DNAH2: variants seen among roughly 807,000 people sequenced by gnomAD.
The protein encoded by DNAH2 is dynein axonemal heavy chain 2, also known as axonemal beta dynein heavy chain 2.
DNAH2 carries 323 observed loss-of-function variants against 523.5 expected under a neutral mutation model. That is an observed-to-expected ratio of 0.62 (90% CI 0.56 to 0.68). The LOEUF is 0.68. Ranked by LOEUF, DNAH2 falls within the 30% of genes least tolerant of loss-of-function variation. The pLI is 0.00. For missense variants in DNAH2, 4,907 were observed against 5,701.5 expected, an observed-to-expected ratio of 0.86 and a Z score of 4.49; for synonymous variants, 2,093 against 2,177.4, an observed-to-expected ratio of 0.96 and a Z score of 1.08.
intron 4 of DNAH2, among the ~76,000 whole-genome samples, chr17:7,728,950 A>G (rs984301078): frequency 6.6e-6 from 1 of 151,996 alleles, no homozygotes; most frequent in African/African-American, 2.4e-5. Flanking sequence ...ACTTCACTGC[A>G]CTCCAGCCTG....
intron 21 of DNAH2, 88 bp downstream of exon 21, chr17:7,765,653 G>C: frequency 6.8e-7 from 1 of 1,475,500 alleles, no homozygotes. Context: ...GCGAGAACTG[G>C]GAGGGGAGGA....
chr17:7,786,170 G>A lies in DNAH2; in HGVS notation c.6176G>A (p.Ser2059Asn). 1 of 1,613,986 alleles carries A rather than the reference G, an allele frequency of 6.2e-7. No homozygotes were observed. Among genetic ancestry groups the A allele is most frequent in the Non-Finnish European group, 8.5e-7 (1 of 1,180,010 alleles). ...EQEIRDMGLQ[S>N]TPFTLTKVFQ... is the part of the protein sequence containing the mutation. ...GAGATTCGAGACATGGGCCTGCAAA[G>A]CACGCCGTTCACCCTCACCAAGGTT... The change falls in exon 40 of 86, where the codon AGC becomes AAC. Residue 2059 changes from serine to asparagine, a missense_variant. This residue lies in a region of DNAH2 where 2,806 missense variants were observed against 3,190.8 expected (regional missense o/e 0.88). Coordinates refer to ENST00000572933, the MANE Select transcript of DNAH2 (RefSeq NM_020877.5). The surrounding 1 kb of genome is among the most constrained non-coding windows in gnomAD (Gnocchi z 7.5).
Position 7,788,202 on chromosome 17 carries a change from C to T in DNAH2, c.6858C>T (p.Ser2286=), listed in dbSNP as rs887558499. 3.7e-6 allele frequency: 6 copies of T among 1,608,394 alleles called. No homozygotes were observed. In the African/African-American group the frequency reaches 8.0e-5, roughly 21 times the overall value. Residue 2286 remains serine (S), a synonymous_variant, in exon 44 of 86, where the codon TCC becomes TCT. Transcript: ENST00000572933. ...VPLPEYSGIT[S]LCKLYSALAT... is the part of the protein sequence containing the mutation. ...TGCCCGAGTACAGCGGTATCACCTC[C>T]CTCTGCAAGCTGTACTCTGCCCTGG...
At chr17:7,792,577 G>C in intron 46 of DNAH2, 80 bp from the exon 47 acceptor site, 1 of 1,253,400 alleles carries the variant, frequency 8.0e-7, no homozygotes, top group Non-Finnish European at 1.1e-6. Flanking sequence ...TGAGACAGTG[G>C]TGACGTAGAG....
Position 7,799,124 on chromosome 17 carries a change from C to T in DNAH2, c.8581C>T (p.Gln2861Ter). ...CCAGATCCAGTCGCATATCATAGAC[C>T]AGGCCCGGGTGGAGCAGGTGCCTGA... The part of the protein sequence containing the change: ...FEEIQSHIID[Q>*]ARVEQVPESS... The change falls in exon 56 of 86, where the codon CAG becomes TAG. Residue 2861 changes from glutamine to a stop codon, truncating the protein, a stop_gained. Coordinates refer to ENST00000572933, the MANE Select transcript of DNAH2 (RefSeq NM_020877.5). LOFTEE classifies it high-confidence loss of function. The T allele has an allele frequency of 3.7e-6, 6 of 1,614,192 alleles. 1 individual carries two copies. In the Middle Eastern group the frequency reaches 9.9e-4, roughly 266 times the overall value.
intron 42 of DNAH2, chr17:7,787,403 T>G: frequency 3.3e-6 from 1 of 307,402 alleles, no homozygotes; most frequent in Non-Finnish European, 6.1e-6. Context: ...GAGAGTGATT[T>G]TTCAAAAGGA....
Position 7,831,911 on chromosome 17 carries a change from G to T in DNAH2, c.12726+136G>T, listed in dbSNP as rs2078187108. ...AACTTTGAAGTTAGATAGGTTCAAG[G>T]TTAAAACCTGGCTCTGCCATTCATT... On this transcript the variant is annotated intron_variant, in intron 82 of 85. Coordinates refer to ENST00000572933, the MANE Select transcript of DNAH2 (RefSeq NM_020877.5). The surrounding 1 kb of genome is among the most constrained non-coding windows in gnomAD (Gnocchi z 4.2). 8.5e-6 allele frequency: 6 copies of T among 704,452 alleles called. No homozygotes were observed. Among genetic ancestry groups the T allele is most frequent in the South Asian group, 3.9e-5 (2 of 51,846 alleles). The allele number at this position is 704,452 out of a possible 1,614,324, so 43.6% of individuals were successfully genotyped here.
In DNAH2 at chr17:7,765,455, G is replaced by A. The variant is rs756086522; in HGVS notation, c.3401G>A (p.Ser1134Asn). Residue 1134 changes from serine (S) to asparagine (N), a missense_variant, in exon 21 of 86, where the codon AGT becomes AAT. By Grantham distance (46) the Ser-to-Asn change is conservative. Coordinates refer to ENST00000572933, the MANE Select transcript of DNAH2 (RefSeq NM_020877.5). ...GTCTTCCAACAAACTCTGCTGGACA[G>A]TAAGCAAATGCTGAAGAAACACAAG... is the stretch of plus-strand genomic sequence containing the variant. ...WVVFQQTLLD[S>N]KQMLKKHKEK... The A allele has an allele frequency of 1.9e-6, 3 of 1,614,260 alleles. No individual in the cohort carries two copies. Among genetic ancestry groups the A allele is most frequent in the South Asian group, 2.2e-5 (2 of 91,086 alleles).
intron 71 of DNAH2, 64 bp from the exon 72 acceptor site, chr17:7,819,145 C>T (rs933387509): frequency 2.5e-6 from 4 of 1,605,948 alleles, no homozygotes; most frequent in Non-Finnish European, 3.4e-6. Flanking sequence ...ACCCCTCCTT[C>T]CCTGAGCCCC....
intron 61 of DNAH2, among the ~76,000 whole-genome samples, chr17:7,806,658 C>CAAAAAAA: frequency 1.7e-5 from 1 of 60,554 alleles, no homozygotes; most frequent in African/African-American, 6.4e-5. Flanking sequence ...CACTCCATCT[C>CAAAAAAA]AAAAAAAAAA....
At chr17:7,765,049 A>G (rs990494160) in intron 20 of DNAH2, among the ~76,000 whole-genome samples, 12 of 151,938 alleles carry the variant, frequency 7.9e-5, no homozygotes, top group Middle Eastern at 3.4e-3. Context: ...GTGAGCCACC[A>G]CACCCGGCCA....
At chr17:7,804,177 C>T (rs1468042614) in intron 58 of DNAH2, 79 bp from the exon 59 acceptor site, 38 of 1,451,524 alleles carry the variant, frequency 2.6e-5, no homozygotes, top group Middle Eastern at 2.4e-4. Context: ...TCGAGACACA[C>T]GGGGAAGGTG....
Position 7,823,584 on chromosome 17 carries a change from A to G in DNAH2, c.11285A>G (p.His3762Arg). 1.9e-6 allele frequency: 3 copies of G among 1,614,106 alleles called. No individual in the cohort carries two copies. Among genetic ancestry groups the G allele is most frequent in the Non-Finnish European group, 2.5e-6 (3 of 1,180,024 alleles). ...NSFEQYPRDW[H>R]LWYTNAAPEK... is the part of the protein sequence containing the mutation. ...TTTGAGCAGTACCCTCGTGACTGGC[A>G]CCTGTGGTATACCAATGCTGCCCCG... is the stretch of plus-strand genomic sequence containing the variant. Residue 3762 changes from histidine (H) to arginine (R), a missense_variant, in exon 74 of 86, where the codon CAC (histidine) becomes CGC (arginine). By Grantham distance (29) the His-to-Arg change is conservative. Around this residue, in one of 3 missense-constraint regions of DNAH2, gnomAD observed 1,851 missense variants for 2,139.4 expected, o/e 0.87. Coordinates refer to ENST00000572933, the MANE Select transcript of DNAH2 (RefSeq NM_020877.5).
Position 7,816,603 on chromosome 17 carries a change from G to C in DNAH2, c.9762G>C (p.Gln3254His). 6.2e-7 allele frequency: 1 copy of C among 1,614,254 alleles called. No homozygotes were observed. The highest frequency in any genetic ancestry group is 1.1e-5 in the South Asian group (1 of 91,090). Residue 3254 changes from glutamine to histidine, a missense_variant, in exon 64 of 86, where the codon CAG becomes CAC. Transcript: ENST00000572933. ...AGAAACTGGAGATGCTAAAGAAACA[G>C]TATGATGAGAAGCTGGCACAGAAGG... ...VAEKLEMLKKQYDEKLAQKEE... is the reference protein window; with the variant it reads ...VAEKLEMLKKHYDEKLAQKEE...
At chr17:7,738,087 A>ATCAC (rs1023733527) in intron 8 of DNAH2, 1 of 703,514 alleles carries the variant, frequency 1.4e-6, no homozygotes, top group African/African-American at 1.7e-5. Flanking sequence ...GCTTGGAAAG[A>ATCAC]TCACTACGTA....
chr17:7,789,632 A>C (rs535821279), intron 44 of DNAH2, among the ~76,000 whole-genome samples: 1 of 148,332 alleles, frequency 6.7e-6, no homozygotes, highest in African/African-American at 2.5e-5. Flanking sequence ...GCTGGAGTGC[A>C]GTGGCACGAT....
At chr17:7,747,541 T>G (rs900632032) in intron 12 of DNAH2, among the ~76,000 whole-genome samples, 2 of 152,218 alleles carry the variant, frequency 1.3e-5, no homozygotes, top group Non-Finnish European at 2.9e-5. Context: ...TTGAACACAG[T>G]GTCCCTCTAG....
chr17:7,814,141 G>A (rs1270109951), intron 63 of DNAH2, among the ~76,000 whole-genome samples: 3 of 126,530 alleles, frequency 2.4e-5, no homozygotes, highest in Admixed American at 9.4e-5. Flanking sequence ...GTGCACTTTC[G>A]TTCCTTTTGG....
intron 12 of DNAH2, among the ~76,000 whole-genome samples, chr17:7,747,363 A>G (rs760532494): frequency 6.6e-6 from 1 of 152,120 alleles, no homozygotes; most frequent in East Asian, 1.9e-4. Flanking sequence ...GGCTTGCAGT[A>G]TGAAATCATA....
Sources: gnomAD v4.1 joint callset for allele counts (sites outside exome capture counted in the v4.1 genomes callset) on GRCh38, gnomAD v4.1.1 for gene constraint, gnomAD v4.1.1 regional missense constraint, Gnocchi (gnomAD v3.1) non-coding constraint, MANE v1.5 for transcripts, NCBI Gene and HGNC (gene_info 2026-07-23, HGNC 2026-07-21) for gene names.